The following CERS4 variants were observed in gnomAD, a reference collection of about 807,000 sequenced individuals.
CERS4 encodes ceramide synthase 4, also known as LAG1 homolog, ceramide synthase 4.
A neutral mutation model predicts 51.8 loss-of-function variants in CERS4; 65 were observed. The ratio of observed to expected loss-of-function variants is 1.26; its 90% CI spans 1.03 to 1.54. The LOEUF (loss-of-function observed/expected upper bound fraction) is 1.54. Ranked by LOEUF, CERS4 falls within the 40% of genes most tolerant of loss-of-function variation. CERS4 has a pLI of 0.00. For missense variants in CERS4, 563 were observed against 500.4 expected (o/e 1.13, Z -1.19); for synonymous variants, 228 against 208.4 (o/e 1.09, Z -0.81).
At chr19:8,240,371 G>C (rs1290477011) in intron 2 of CERS4, 1 of 152,206 alleles carries the variant, frequency 6.6e-6, no homozygotes, top group Non-Finnish European at 1.5e-5. Flanking sequence ...ACACCCTGTG[G>C]GACCTCTGCT....
intron 2 of CERS4, among the ~76,000 whole-genome samples, chr19:8,231,868 T>C (rs1388240375): frequency 6.8e-6 from 1 of 147,818 alleles, no homozygotes; most frequent in Admixed American, 6.8e-5. Context: ...TTTTTTTTTT[T>C]TTTTTAGAGA....
At chr19:8,244,946 C>A (rs1968692320) in intron 2 of CERS4, among the ~76,000 whole-genome samples, 1 of 151,842 alleles carries the variant, frequency 6.6e-6, no homozygotes, top group East Asian at 2.0e-4. Flanking sequence ...AGATCTAGAC[C>A]ATCCTGGCTA....
intron 2 of CERS4, among the ~76,000 whole-genome samples, chr19:8,244,570 T>C (rs947160795): frequency 1.3e-5 from 2 of 152,146 alleles, no homozygotes; most frequent in Non-Finnish European, 2.9e-5. Context: ...ACCTCTAAAA[T>C]GTCTCTGGAA....
In CERS4 at chr19:8,237,025, A is replaced by AAAC. The variant is rs1327103432; in HGVS notation, c.-1-14050_-1-14048dup. 6.6e-5 allele frequency among the ~76,000 whole-genome samples: 10 copies of AAAC among 150,700 alleles called. No individual in the cohort carries two copies. In the East Asian group the frequency reaches 1.9e-3, roughly 29 times the overall value. On this transcript the variant is annotated intron_variant, in intron 2 of 11. Transcript: ENST00000251363. ...CTCAAAAAAAAAAAAAAAAAAAAAAAAACGAAAAGGAGAAAAGAAAGAAAT... is the reference window on the plus strand; with the variant it reads ...CTCAAAAAAAAAAAAAAAAAAAAAAAAACAACGAAAAGGAGAAAAGAAAGAAAT...
intron 10 of CERS4, among the ~76,000 whole-genome samples, chr19:8,260,143 C>T (rs1406621411): frequency 6.6e-6 from 1 of 151,910 alleles, no homozygotes; most frequent in Non-Finnish European, 1.5e-5. Context: ...GTGAGGAAGG[C>T]GAGGTCGCTG....
intron 3 of CERS4, 98 bp downstream of exon 3, chr19:8,251,347 G>A: frequency 1.4e-6 from 2 of 1,457,242 alleles, no homozygotes; most frequent in Non-Finnish European, 1.8e-6. Context: ...GTCCCGAGTA[G>A]AAGCTGGCTT....
At chr19:8,218,634 G>A (rs186425010) in intron 2 of CERS4, among the ~76,000 whole-genome samples, 63 of 152,262 alleles carry the variant, frequency 4.1e-4, no homozygotes, top group African/African-American at 1.4e-3. Context: ...AGATGGGGAA[G>A]GGACAGGCTG....
intron 2 of CERS4, among the ~76,000 whole-genome samples, chr19:8,235,920 G>T (rs1002435489): frequency 6.6e-6 from 1 of 151,978 alleles, no homozygotes; most frequent in Non-Finnish European, 1.5e-5. Flanking sequence ...AACAGGCCGG[G>T]CGCGGTGGCT....
At chr19:8,244,384 T>C (rs1968666646) in intron 2 of CERS4, among the ~76,000 whole-genome samples, 1 of 152,208 alleles carries the variant, frequency 6.6e-6, no homozygotes, top group African/African-American at 2.4e-5. Context: ...TCTTAGCAAT[T>C]TTCCAGTATA....
At chr19:8,215,860 C>A (rs148095702) in intron 2 of CERS4, among the ~76,000 whole-genome samples, 14 of 152,280 alleles carry the variant, frequency 9.2e-5, no homozygotes, top group African/African-American at 3.4e-4. Context: ...GGCACCCAGA[C>A]GGTAACAGGA....
chr19:8,258,019 G>A (rs760144077), intron 10 of CERS4, 34 bp downstream of exon 10: 5 of 1,506,798 alleles, frequency 3.3e-6, no homozygotes, highest in African/African-American at 1.4e-5. Flanking sequence ...TCAGGGAGGT[G>A]GGAGGGCGTG....
chr19:8,256,303 G>C lies in CERS4; in HGVS notation c.519+17G>C. 1 of 1,613,128 alleles carries C rather than the reference G, an allele frequency of 6.2e-7. No homozygotes were observed. ...CCAAACCAGGTGAGTGGCAGAGTGT[G>C]TGTGAATGCTTGGAGGGTGAGGGCG... On this transcript the variant is annotated intron_variant, in intron 7 of 11. Coordinates refer to ENST00000251363, the MANE Select transcript of CERS4 (RefSeq NM_024552.3).
intron 2 of CERS4, among the ~76,000 whole-genome samples, chr19:8,215,611 G>A (rs1354093548): frequency 1.3e-5 from 2 of 152,116 alleles, no homozygotes; most frequent in African/African-American, 4.8e-5. Flanking sequence ...AAGAGCCTGG[G>A]CACCCTCCCC....
intron 2 of CERS4, among the ~76,000 whole-genome samples, chr19:8,219,482 T>C (rs2064395752): frequency 6.6e-6 from 1 of 151,766 alleles, no homozygotes; most frequent in South Asian, 2.1e-4. Context: ...CTGGGCAACA[T>C]AGTAAGACCC....
chr19:8,254,535 G>A lies in CERS4; in HGVS notation c.210G>A (p.Val70=). ...IGLPLSRWLG[V]RDQTRRQVKP... ...TGCCCCTGAGCCGGTGGCTGGGTGT[G>A]AGGGATCAGACCAGGAGGCAAGTGA... is the stretch of plus-strand genomic sequence containing the variant. The change falls in exon 4 of 12, where the codon GTG becomes GTA. Residue 70 remains valine, a synonymous_variant. Coordinates refer to ENST00000251363, the MANE Select transcript of CERS4 (RefSeq NM_024552.3). The A allele has an allele frequency of 6.2e-7, 1 of 1,613,764 alleles. No homozygotes were observed. Among genetic ancestry groups the A allele is most frequent in the East Asian group, 2.2e-5 (1 of 44,866 alleles).
At chr19:8,237,935 T>C (rs577311928) in intron 2 of CERS4, among the ~76,000 whole-genome samples, 43 of 152,208 alleles carry the variant, frequency 2.8e-4, no homozygotes, top group African/African-American at 9.4e-4. Context: ...GTAATGCTGT[T>C]TTTATTTTTA....
chr19:8,253,138 A>G (rs1291499521), intron 3 of CERS4, among the ~76,000 whole-genome samples: 13 of 152,254 alleles, frequency 8.5e-5, no homozygotes. Flanking sequence ...GATGGTGGAT[A>G]TAAAATTCGG....
At chr19:8,224,783 G>A (rs1967715770) in intron 2 of CERS4, among the ~76,000 whole-genome samples, 1 of 152,164 alleles carries the variant, frequency 6.6e-6, no homozygotes. Flanking sequence ...AGGAGGGACT[G>A]TCGCGGGAAA....
In CERS4 at chr19:8,213,014, G is replaced by C. The variant is rs571990748; in HGVS notation, c.-2+2152G>C. Among the ~76,000 whole-genome samples the C allele has an allele frequency of 2.1e-4, 32 of 151,770 alleles. No homozygotes were observed. The East Asian group carries it at 5.6e-3, about 27-fold the overall frequency. On this transcript the variant is annotated intron_variant, in intron 2 of 11. Transcript: ENST00000251363. ...CTGTTCCCCATGCCTTTCAGTACAA[G>C]CTCTTTTCTTTGCTTTTCTTTCTTG...
Sources: allele counts gnomAD v4.1 joint callset (sites outside exome capture counted in the v4.1 genomes callset), GRCh38; gene constraint gnomAD v4.1.1; transcripts MANE v1.5; gene names NCBI Gene and HGNC (gene_info 2026-07-23, HGNC 2026-07-21).